The following YIPF7 variants were observed in gnomAD, a reference collection of about 807,000 sequenced individuals.
The protein encoded by YIPF7 is Yip1 domain family member 7, also known as protein YIPF7.
In YIPF7, 35 loss-of-function variants were observed where a neutral mutation model predicts 27.2. That is an observed-to-expected ratio of 1.29 (90% CI 0.98 to 1.70). YIPF7 has a LOEUF of 1.70. Among genes scored for constraint, YIPF7 ranks in the 40% most tolerant of loss-of-function variants. The probability of loss-of-function intolerance (pLI) is 0.00; values close to 1 mark genes in which losing one functional copy is unlikely to be tolerated. For synonymous variants in YIPF7, 137 were observed against 110.4 expected (o/e 1.24, Z -1.51); for missense variants, 358 against 303.7 (o/e 1.18, Z -1.33).
At chr4:44,647,220 T>G (rs1713558887) in intron 2 of YIPF7, among the ~76,000 whole-genome samples, 1 of 152,112 alleles carries the variant, frequency 6.6e-6, no homozygotes, top group Non-Finnish European at 1.5e-5. Flanking sequence ...TTAATTTCCA[T>G]CTCTTTGTCA....
chr4:44,649,058 A>G (rs1173161093), intron 2 of YIPF7, among the ~76,000 whole-genome samples: 1 of 152,158 alleles, frequency 6.6e-6, no homozygotes, highest in Non-Finnish European at 1.5e-5. Context: ...CCAATTCTTC[A>G]ACATAAAATT....
chr4:44,634,285 C>A (rs1332220000), intron 3 of YIPF7, among the ~76,000 whole-genome samples: 1 of 152,214 alleles, frequency 6.6e-6, no homozygotes, highest in East Asian at 1.9e-4. Context: ...GTAATCCCAG[C>A]ATTTTGGGAG....
At chr4:44,658,855 A>G (rs1417147874) in intron 2 of YIPF7, among the ~76,000 whole-genome samples, 1 of 152,150 alleles carries the variant, frequency 6.6e-6, no homozygotes, top group Non-Finnish European at 1.5e-5. Context: ...AGTGTGGGAG[A>G]CACTGCCTCC....
chr4:44,634,780 A>G (rs1017375055), intron 3 of YIPF7, among the ~76,000 whole-genome samples: 2 of 152,166 alleles, frequency 1.3e-5, no homozygotes, highest in Non-Finnish European at 2.9e-5. Flanking sequence ...TTTTATTCTT[A>G]TGTTTCTATG....
intron 2 of YIPF7, among the ~76,000 whole-genome samples, chr4:44,637,322 T>C (rs990411299): frequency 1.3e-5 from 2 of 152,204 alleles, no homozygotes; most frequent in African/African-American, 2.4e-5. Flanking sequence ...GAAATCTTCA[T>C]ACTGTTTTCC....
chr4:44,650,662 G>C (rs1365422221), intron 1 of YIPF7, among the ~76,000 whole-genome samples: 1 of 152,092 alleles, frequency 6.6e-6, no homozygotes, highest in Non-Finnish European at 1.5e-5. Flanking sequence ...GAATATTTTC[G>C]TTTTTCTTTT....
At chr4:44,658,667 A>G (rs75572919) in intron 2 of YIPF7, among the ~76,000 whole-genome samples, 9,168 of 152,310 alleles carry the variant, frequency 0.06, 323 homozygotes, top group East Asian at 0.15. Flanking sequence ...TTGTATTAGT[A>G]GTTTTCATGC....
At chr4:44,644,646 G>C (rs1292485957) in intron 2 of YIPF7, among the ~76,000 whole-genome samples, 1 of 152,098 alleles carries the variant, frequency 6.6e-6, no homozygotes, top group Non-Finnish European at 1.5e-5. Flanking sequence ...CTTTGGACTT[G>C]GACTTTTGAG....
intron 3 of YIPF7, among the ~76,000 whole-genome samples, chr4:44,630,153 T>G (rs1158379406): frequency 1.3e-5 from 2 of 152,062 alleles, no homozygotes; most frequent in South Asian, 4.2e-4. Flanking sequence ...TCTTCCATAG[T>G]GGCGAGGTCT....
chr4:44,636,174 C>A (rs1713114990), intron 2 of YIPF7, 89 bp from the exon 3 acceptor site: 2 of 1,359,262 alleles, frequency 1.5e-6, no homozygotes, highest in East Asian at 2.4e-5. Flanking sequence ...TACATGAATT[C>A]ATGTAGTTTT....
At chr4:44,650,763 T>C (rs1713707914) in intron 1 of YIPF7, among the ~76,000 whole-genome samples, 1 of 152,218 alleles carries the variant, frequency 6.6e-6, no homozygotes, top group Non-Finnish European at 1.5e-5. Flanking sequence ...ACATTCTCTC[T>C]ATAGTTTCCA....
rs1363864220 is a variant in YIPF7 at position 44,622,280 on chromosome 4, CTGCT to C, written c.*130_*133del. On this transcript the variant is annotated 3_prime_UTR_variant, in exon 6 of 6. Transcript: ENST00000415895. ...GCTATTAGAGCACCACCCTTAAGTG[CTGCT>C]TTGTCTCTCTGCTTATTACTCTCTC... is the stretch of plus-strand genomic sequence containing the variant. 1 of 1,133,326 alleles carries C rather than the reference CTGCT, an allele frequency of 8.8e-7. No individual in the cohort carries two copies. The highest frequency in any genetic ancestry group is 1.6e-5 in the African/African-American group (1 of 63,456). The allele number at this position is 1,133,326 out of a possible 1,614,324, so 70.2% of individuals were successfully genotyped here.
chr4:44,659,910 G>A (rs375377520), intron 2 of YIPF7, among the ~76,000 whole-genome samples: 9 of 151,724 alleles, frequency 5.9e-5, no homozygotes, highest in South Asian at 2.1e-4. Flanking sequence ...TCAGGAGATC[G>A]AGACCACCCT....
chr4:44,654,431 C>T (rs2109604649), upstream of YIPF7, among the ~76,000 whole-genome samples: 2 of 151,956 alleles, frequency 1.3e-5, no homozygotes, highest in South Asian at 4.2e-4. Flanking sequence ...CCTTCCTTCT[C>T]GTTTTCTTTT....
intron 2 of YIPF7, among the ~76,000 whole-genome samples, chr4:44,644,253 T>A (rs1200442203): frequency 6.6e-6 from 1 of 152,212 alleles, no homozygotes; most frequent in South Asian, 2.1e-4. Flanking sequence ...GGGTGTCCAA[T>A]CTTTTGGCTT....
At chr4:44,634,562 TA>T (rs1713038912) in intron 3 of YIPF7, among the ~76,000 whole-genome samples, 1 of 151,888 alleles carries the variant, frequency 6.6e-6, no homozygotes, top group Non-Finnish European at 1.5e-5. Flanking sequence ...TGACATAAAG[TA>T]AATAAAAAGA....
intron 3 of YIPF7, among the ~76,000 whole-genome samples, chr4:44,635,593 G>T (rs148550651): frequency 1.4e-3 from 217 of 152,280 alleles, no homozygotes; most frequent in Non-Finnish European, 2.0e-3. Context: ...GGTGGGAAGG[G>T]TGGTCACTTT....
rs775290678 is a variant in YIPF7, at chr4:44,629,526, G to A, written c.303C>T (p.His101=). The change falls in exon 4 of 6, where the codon CAC becomes CAT. Residue 101 remains histidine (H), a synonymous_variant. Coordinates refer to ENST00000415895, the MANE Select transcript of YIPF7 (RefSeq NM_182592.3). ...ACACTGTCAAAGTTTTTTGCCATAT[G>A]TGATCAAAATGGATTCCAAGTTCTG... ...LLEELGIHFD[H]IWQKTLTVLN... 2.4e-5 allele frequency: 37 copies of A among 1,552,280 alleles called. No homozygotes were observed. Among genetic ancestry groups the A allele is most frequent in the African/African-American group, 6.9e-5 (5 of 72,962 alleles).
chr4:44,655,103 T>C (rs950022087), upstream of YIPF7, among the ~76,000 whole-genome samples: 1 of 152,042 alleles, frequency 6.6e-6, no homozygotes, highest in Admixed American at 6.6e-5. Flanking sequence ...AGTTGCTCAA[T>C]AGATATATTG....
Sources: allele counts gnomAD v4.1 joint callset (sites outside exome capture counted in the v4.1 genomes callset), GRCh38; gene constraint gnomAD v4.1.1; transcripts MANE v1.5; gene names NCBI Gene and HGNC (gene_info 2026-07-23, HGNC 2026-07-21).